The following FILIP1L variants were observed in gnomAD, a reference collection of about 807,000 sequenced individuals.
FILIP1L encodes the protein filamin A interacting protein 1 like.
A neutral mutation model predicts 96.6 loss-of-function variants in FILIP1L; 55 were observed. That is an observed-to-expected ratio of 0.57 (90% CI 0.46 to 0.71). The LOEUF (loss-of-function observed/expected upper bound fraction) is 0.71. FILIP1L is among the 30% of genes least tolerant of loss of function. The pLI, the probability that FILIP1L is intolerant of heterozygous loss-of-function variation, is 0.00. For missense variants in FILIP1L, 1,304 were observed against 1,321.2 expected (o/e 0.99, Z 0.20); for synonymous variants, 467 against 473.9 (o/e 0.99, Z 0.19).
chr3:100,089,996 C>A (rs929395151), intron 1 of FILIP1L, among the ~76,000 whole-genome samples: 1 of 152,172 alleles, frequency 6.6e-6, no homozygotes, highest in Non-Finnish European at 1.5e-5. Flanking sequence ...CCTACTCCCC[C>A]GCAACTGCAA....
intron 5 of FILIP1L, among the ~76,000 whole-genome samples, chr3:99,839,088 T>C (rs868767896): frequency 6.6e-6 from 1 of 152,272 alleles, no homozygotes; most frequent in South Asian, 2.1e-4. Context: ...CACCTTTCTT[T>C]TTTCTCTATA....
chr3:99,935,125 T>A (rs974090181), intron 1 of FILIP1L, among the ~76,000 whole-genome samples: 1 of 152,208 alleles, frequency 6.6e-6, no homozygotes, highest in African/African-American at 2.4e-5. Flanking sequence ...AATTTCATGA[T>A]ACTCTCATGC....
chr3:99,989,682 ATAT>A (rs1404819775), intron 1 of FILIP1L, among the ~76,000 whole-genome samples: 87 of 23,376 alleles, frequency 3.7e-3, no homozygotes, highest in African/African-American at 0.019. Flanking sequence ...ATATATATAT[ATAT>A]TTTTTTTCTT....
intron 1 of FILIP1L, among the ~76,000 whole-genome samples, chr3:99,995,731 A>G (rs1709659025): frequency 6.6e-6 from 1 of 152,168 alleles, no homozygotes; most frequent in South Asian, 2.1e-4. Context: ...CACAGGTTCA[A>G]CACCACGTGG....
chr3:99,923,990 A>G (rs1707205844), intron 4 of FILIP1L, among the ~76,000 whole-genome samples: 1 of 152,226 alleles, frequency 6.6e-6, no homozygotes, highest in Non-Finnish European at 1.5e-5. Context: ...CAGCCTTCAC[A>G]GGGCACTCCC....
intron 4 of FILIP1L, among the ~76,000 whole-genome samples, chr3:99,920,834 A>G (rs1707102097): frequency 6.6e-6 from 1 of 152,224 alleles, no homozygotes; most frequent in South Asian, 2.1e-4. Flanking sequence ...GAAATCCATT[A>G]TTACATCCTC....
chr3:99,912,059 G>A (rs1706806775), intron 4 of FILIP1L, among the ~76,000 whole-genome samples: 1 of 151,986 alleles, frequency 6.6e-6, no homozygotes, highest in Non-Finnish European at 1.5e-5. Flanking sequence ...TTTATCTCAT[G>A]AGAAATCTAC....
chr3:99,934,249 A>C (rs548821015), intron 1 of FILIP1L, among the ~76,000 whole-genome samples: 1 of 152,352 alleles, frequency 6.6e-6, no homozygotes, highest in Non-Finnish European at 1.5e-5. Flanking sequence ...GGAAGAAGAT[A>C]CAAGGCCACA....
intron 4 of FILIP1L, among the ~76,000 whole-genome samples, chr3:99,893,886 TC>T (rs1376112023): frequency 6.6e-6 from 1 of 152,184 alleles, no homozygotes; most frequent in Non-Finnish European, 1.5e-5. Context: ...AAAATCTGGC[TC>T]CCCCTTTGCC....
intron 1 of FILIP1L, among the ~76,000 whole-genome samples, chr3:100,037,901 G>A (rs1055973519): frequency 6.6e-6 from 1 of 150,408 alleles, no homozygotes; most frequent in Non-Finnish European, 1.5e-5. Flanking sequence ...ACACTAACTG[G>A]CTCTGAATCG....
intron 5 of FILIP1L, among the ~76,000 whole-genome samples, chr3:99,831,777 G>A (rs1194040959): frequency 6.6e-6 from 1 of 152,174 alleles, no homozygotes; most frequent in Admixed American, 6.5e-5. Context: ...TTGTGGATAT[G>A]TCCAGCAATT....
At chr3:99,857,229 G>A (rs1228646077) in intron 4 of FILIP1L, among the ~76,000 whole-genome samples, 1 of 152,202 alleles carries the variant, frequency 6.6e-6, no homozygotes, top group Middle Eastern at 3.2e-3. Context: ...AGGCATTTAA[G>A]AAAATGAGGT....
chr3:99,905,150 C>G (rs1706572350), intron 4 of FILIP1L, among the ~76,000 whole-genome samples: 1 of 152,326 alleles, frequency 6.6e-6, no homozygotes, highest in South Asian at 2.1e-4. Flanking sequence ...TAGCTTATCC[C>G]CCTTTGAATG....
chr3:100,025,345 A>T lies in FILIP1L; in HGVS notation c.-11+88708T>A, dbSNP rs1005474470. The T allele has an allele frequency of 1.4e-4, 21 of 152,192 alleles. 1 individual carries two copies. Among genetic ancestry groups the T allele is most frequent in the African/African-American group, 4.6e-4 (19 of 41,446 alleles). 9.4% of individuals were successfully genotyped at this position (152,192 alleles called of 1,614,324 possible). A position where few individuals can be genotyped will look rare whatever the true frequency, so the allele number is the denominator to read the frequency against. ...TTTGTATTTATTTGATCACATTCAC[A>T]AACCGTATTTGCTAACTTTCCTAAT... On this transcript the variant is annotated intron_variant, in intron 1 of 5. Coordinates refer to ENST00000477258, the MANE Select transcript of FILIP1L (RefSeq NM_001387850.1).
chr3:100,110,392 AAGC>A (rs1256580093), intron 1 of FILIP1L, among the ~76,000 whole-genome samples: 3 of 152,092 alleles, frequency 2.0e-5, no homozygotes, highest in African/African-American at 7.2e-5. Flanking sequence ...AGAAGCACAG[AAGC>A]AGCTTTATCC....
chr3:100,072,431 G>C (rs2065778506), intron 1 of FILIP1L, among the ~76,000 whole-genome samples: 1 of 152,132 alleles, frequency 6.6e-6, no homozygotes, highest in African/African-American at 2.4e-5. Flanking sequence ...TGACTTCCTG[G>C]ATTCCCCCCT....
chr3:100,054,539 TATGTC>T (rs1553709715), intron 1 of FILIP1L, among the ~76,000 whole-genome samples: 1 of 125,668 alleles, frequency 8.0e-6, no homozygotes, highest in South Asian at 2.5e-4. Flanking sequence ...TATGTTATGT[TATGTC>T]ATGTTATGTT....
intron 1 of FILIP1L, among the ~76,000 whole-genome samples, chr3:100,021,484 A>T (rs1236590207): frequency 1.3e-5 from 2 of 152,138 alleles, no homozygotes; most frequent in African/African-American, 4.8e-5. Context: ...TTGTAGAGAA[A>T]ATTCCTGTAA....
chr3:99,906,170 C>T lies in FILIP1L; in HGVS notation c.605+18060G>A, dbSNP rs565170016. On this transcript the variant is annotated intron_variant, in intron 4 of 5. Coordinates refer to ENST00000477258, the MANE Select transcript of FILIP1L (RefSeq NM_001387850.1). Reference sequence around the variant, plus strand: ...GATCGCACCACTGTACTCCATCCACCCTGGGTGACAGGGCCAAGACCTTGT... The same window carrying T: ...GATCGCACCACTGTACTCCATCCACTCTGGGTGACAGGGCCAAGACCTTGT... 9.2e-5 allele frequency among the ~76,000 whole-genome samples: 14 copies of T among 152,176 alleles called. No individual in the cohort carries two copies. The South Asian group carries it at 2.5e-3, about 27-fold the overall frequency.
Sources: allele counts gnomAD v4.1 joint callset (sites outside exome capture counted in the v4.1 genomes callset), GRCh38; gene constraint gnomAD v4.1.1; transcripts MANE v1.5; gene names NCBI Gene and HGNC (gene_info 2026-07-23, HGNC 2026-07-21).